Variants in SMARCAL1 observed in about 807,000 individuals in gnomAD.
SMARCAL1 encodes the protein SNF2 related chromatin remodeling annealing helicase 1.
SMARCAL1 carries 58 observed loss-of-function variants against 94.5 expected under a neutral mutation model. That is an observed-to-expected ratio of 0.61 (90% CI 0.50 to 0.76). The LOEUF is 0.76. SMARCAL1 is among the 30% of genes least tolerant of loss of function. The pLI is 0.00. For missense variants in SMARCAL1, 1,051 were observed against 1,177.9 expected (o/e 0.89, Z 1.58); for synonymous variants, 422 against 455.1 (o/e 0.93, Z 0.93).
intron 11 of SMARCAL1, among the ~76,000 whole-genome samples, chr2:216,447,812 G>A (rs7598616): frequency 0.096 from 14,679 of 152,270 alleles, 875 homozygotes; most frequent in South Asian, 0.18. Context: ...TCCCAAAATG[G>A]CAGGGAAGCC....
At chr2:216,454,021 A>G (rs577743553) in intron 12 of SMARCAL1, among the ~76,000 whole-genome samples, 22 of 152,308 alleles carry the variant, frequency 1.4e-4, no homozygotes, top group African/African-American at 5.3e-4. Flanking sequence ...CCATTTTTTC[A>G]TCCTCAAGAC....
rs746420939 is a variant in SMARCAL1 at position 216,475,607 on chromosome 2, G to A, written c.2427+156G>A. Among the ~76,000 whole-genome samples, 2 of 152,056 alleles carry A rather than the reference G, an allele frequency of 1.3e-5. No individual in the cohort carries two copies. The highest frequency in any genetic ancestry group is 2.9e-5 in the Non-Finnish European group (2 of 68,002). On this transcript the variant is annotated intron_variant, in intron 15 of 17. Coordinates refer to ENST00000357276, the MANE Select transcript of SMARCAL1 (RefSeq NM_014140.4). This position sits in a 1 kb window ranked among gnomAD's most constrained non-coding sequence, Gnocchi z 4.4. ...CACTTCCTTTAAGCACTTCTATGTT[G>A]ATTGACTAGTCTCTTTTTTTCTTTT...
chr2:216,427,705 G>A (rs1693865855), intron 6 of SMARCAL1, among the ~76,000 whole-genome samples: 1 of 152,142 alleles, frequency 6.6e-6, no homozygotes, highest in Non-Finnish European at 1.5e-5. Context: ...GGAGAGAAAT[G>A]GACTTAAATA....
intron 16 of SMARCAL1, among the ~76,000 whole-genome samples, 169 bp downstream of exon 16, chr2:216,477,378 C>T (rs866559222): frequency 6.6e-6 from 1 of 152,172 alleles, no homozygotes; most frequent in African/African-American, 2.4e-5. Context: ...CATATTTGGC[C>T]TCCCTCACTA....
chr2:216,444,393 A>G (rs1694260544), intron 10 of SMARCAL1, among the ~76,000 whole-genome samples: 1 of 150,242 alleles, frequency 6.7e-6, no homozygotes. Flanking sequence ...GCTCAATTGG[A>G]AAAAAAAAAG....
At chr2:216,412,973 G>C (rs1003774436) in intron 1 of SMARCAL1, 2 of 152,534 alleles carry the variant, frequency 1.3e-5, no homozygotes, top group African/African-American at 4.8e-5. Context: ...GGGATCTGGG[G>C]AGTTTGGAGG....
Position 216,420,531 on chromosome 2 carries a change from T to C in SMARCAL1, c.1095T>C (p.Tyr365=), listed in dbSNP as rs1033210609. 1.9e-6 allele frequency: 3 copies of C among 1,608,760 alleles called. No homozygotes were observed. The highest frequency in any genetic ancestry group is 1.7e-5 in the Admixed American group (1 of 60,002). The change falls in exon 5 of 18, where the codon TAT becomes TAC. Residue 365 remains tyrosine (Y), a splice_region_variant and synonymous_variant. Transcript: ENST00000357276. ...ALFKQMDSRR[Y]DVKTRKWSFL... ...TTAAACAGATGGATTCCAGAAGATA[T>C]GGCAAGTAATTGGTCTTTGTCTGAT...
chr2:216,449,800 G>A (rs1373847164), intron 11 of SMARCAL1, among the ~76,000 whole-genome samples: 1 of 151,906 alleles, frequency 6.6e-6, no homozygotes, highest in African/African-American at 2.4e-5. Flanking sequence ...TCCATTTCCA[G>A]TAAGATTGTT....
intron 11 of SMARCAL1, among the ~76,000 whole-genome samples, chr2:216,448,088 C>T (rs938594729): frequency 5.9e-5 from 9 of 152,136 alleles, no homozygotes; most frequent in South Asian, 2.1e-4. Context: ...TACATTCAAA[C>T]GAAGTACTTA....
At chr2:216,449,810 T>C (rs558267010) in intron 11 of SMARCAL1, among the ~76,000 whole-genome samples, 40 of 151,924 alleles carry the variant, frequency 2.6e-4, no homozygotes, top group Admixed American at 5.9e-4. Flanking sequence ...GTAAGATTGT[T>C]GGTGAGGGAT....
chr2:216,428,717 A>G lies in SMARCAL1; in HGVS notation c.1269A>G (p.Ala423=). 6.2e-7 allele frequency: 1 copy of G among 1,614,212 alleles called. No individual in the cohort carries two copies. The highest frequency in any genetic ancestry group is 8.5e-7 in the Non-Finnish European group (1 of 1,180,026). The change falls in exon 7 of 18, where the codon GCA becomes GCG. Residue 423 remains alanine, a synonymous_variant. Transcript: ENST00000357276. ...SLSLTPDVPE[A]DLSEVDPKLV... ...GTCTCACGCCAGATGTCCCAGAGGC[A>G]GACCTTTCTGAAGTGGACCCCAAGC... is the stretch of plus-strand genomic sequence containing the variant.
intron 12 of SMARCAL1, among the ~76,000 whole-genome samples, chr2:216,452,337 T>C (rs1321442866): frequency 6.6e-6 from 1 of 152,216 alleles, no homozygotes; most frequent in Non-Finnish European, 1.5e-5. Flanking sequence ...TTTGAAGTTT[T>C]TTCTTATAAC....
chr2:216,433,598 G>A (rs571363790), intron 8 of SMARCAL1, among the ~76,000 whole-genome samples: 1 of 152,158 alleles, frequency 6.6e-6, no homozygotes. Context: ...GTAGAGGGGG[G>A]AGTGAGTGGG....
chr2:216,482,757 T>C lies in SMARCAL1; in HGVS notation c.2645T>C (p.Ile882Thr). ...YLYKDPKQQK[I>T]YDLFQKSFEK... ...ATGAAGGACCCAAAGCAGCAGAAGATCTACGACCTATTCCAGAAGTCCTTT... is the reference window on the plus strand; with the variant it reads ...ATGAAGGACCCAAAGCAGCAGAAGACCTACGACCTATTCCAGAAGTCCTTT... Residue 882 changes from isoleucine (I) to threonine (T), a missense_variant, in exon 18 of 18, where the codon ATC becomes ACC. Transcript: ENST00000357276. This position sits in a 1 kb window ranked among gnomAD's most constrained non-coding sequence, Gnocchi z 4.3. The C allele has an allele frequency of 6.2e-7, 1 of 1,614,112 alleles. No homozygotes were observed. The highest frequency in any genetic ancestry group is 1.1e-5 in the South Asian group (1 of 91,076).
chr2:216,468,673 A>G (rs1694888150), intron 14 of SMARCAL1, among the ~76,000 whole-genome samples: 1 of 152,238 alleles, frequency 6.6e-6, no homozygotes, highest in Non-Finnish European at 1.5e-5. Flanking sequence ...AGAAATATAC[A>G]GCAAATACCC....
chr2:216,460,851 A>T (rs190582998), intron 12 of SMARCAL1, among the ~76,000 whole-genome samples: 1 of 152,346 alleles, frequency 6.6e-6, no homozygotes, highest in African/African-American at 2.4e-5. Flanking sequence ...AATATATTTA[A>T]AAAAAGAATC....
chr2:216,477,363 A>T (rs1313132441), intron 16 of SMARCAL1, among the ~76,000 whole-genome samples, 154 bp downstream of exon 16: 1 of 152,156 alleles, frequency 6.6e-6, no homozygotes, highest in Non-Finnish European at 1.5e-5. Context: ...TGCTTTCATC[A>T]TGACCATATT....
At chr2:216,462,724 G>A (rs374015434) in intron 12 of SMARCAL1, among the ~76,000 whole-genome samples, 46 of 152,134 alleles carry the variant, frequency 3.0e-4, no homozygotes, top group African/African-American at 1.0e-3. Flanking sequence ...AGTGGCTCAT[G>A]CCTGTAATCC....
At chr2:216,464,724 CAACTTATTACTTTATTCTGCCTG>C in intron 13 of SMARCAL1, 57 bp downstream of exon 13, 1 of 978,644 alleles carries the variant, frequency 1.0e-6, no homozygotes, top group Non-Finnish European at 1.6e-6. Context: ...AAAAAAAAAA[CAACTTATTACTTTATTCTGCCTG>C]AATGATTTTA....
Sources: gnomAD v4.1 joint callset for allele counts (sites outside exome capture counted in the v4.1 genomes callset) on GRCh38, gnomAD v4.1.1 for gene constraint, Gnocchi (gnomAD v3.1) non-coding constraint, MANE v1.5 for transcripts, NCBI Gene and HGNC (gene_info 2026-07-23, HGNC 2026-07-21) for gene names.